Variants in SMTN observed in about 807,000 individuals in gnomAD.
SMTN encodes smoothelin.
In SMTN, 58 loss-of-function variants were observed where a neutral mutation model predicts 102.0. That is an observed-to-expected ratio of 0.57 (90% CI 0.46 to 0.71). The LOEUF is 0.71. SMTN is among the 30% of genes least tolerant of loss of function. SMTN has a pLI of 0.00. For synonymous variants in SMTN, 478 were observed against 497.9 expected, an observed-to-expected ratio of 0.96 and a Z score of 0.53; for missense variants, 1,185 against 1,241.7, an observed-to-expected ratio of 0.95 and a Z score of 0.69.
upstream of SMTN, among the ~76,000 whole-genome samples, chr22:31,079,564 G>A (rs976948878): frequency 6.6e-6 from 1 of 152,264 alleles, no homozygotes; most frequent in African/African-American, 2.4e-5. Flanking sequence ...CCTGCATGAA[G>A]GGGAGGTCCC....
rs1345475263 is a variant in SMTN, at chr22:31,087,986, G to A, written c.73G>A (p.Ala25Thr). The stretch of plus-strand genomic sequence containing the variant: ...GCAGCTGGAGGTCACAGCAGATCTG[G>A]CAGAGCGGCGGCGCATCCGCTCAGC... ...RKLLEVTADLAERRRIRSAIR... is the reference protein window; with the variant it reads ...RKLLEVTADLTERRRIRSAIR... The change falls in exon 3 of 21, where the codon GCA becomes ACA. Residue 25 changes from alanine (A) to threonine (T), a missense_variant. Coordinates refer to ENST00000333137, the MANE Select transcript of SMTN (RefSeq NM_134269.3). The A allele has an allele frequency of 1.2e-6, 2 of 1,604,980 alleles. No individual in the cohort carries two copies. The highest frequency in any genetic ancestry group is 8.5e-7 in the Non-Finnish European group (1 of 1,173,594).
rs1354310977 is a variant in SMTN at position 31,091,216 on chromosome 22, G to A, written c.1193G>A (p.Arg398Gln). ...TCCTCCCGGTTCAGCAAGGAGCAAC[G>A]AGGAGTAGCCCAGCCCCTGGCCCAG... ...DTSSRFSKEQ[R>Q]GVAQPLAQLR... The change falls in exon 10 of 21, where the codon CGA becomes CAA. Residue 398 changes from arginine (R) to glutamine (Q), a missense_variant. Around this residue, in one of 2 missense-constraint regions of SMTN, gnomAD observed 1,096 missense variants for 1,112.7 expected, o/e 0.98. Coordinates refer to ENST00000333137, the MANE Select transcript of SMTN (RefSeq NM_134269.3). 20 of 1,611,584 alleles carry A rather than the reference G, an allele frequency of 1.2e-5. No homozygotes were observed. Among genetic ancestry groups the A allele is most frequent in the East Asian group, 4.5e-5 (2 of 44,776 alleles).
At chr22:31,093,496 G>A (rs1184559076) in intron 11 of SMTN, 1 of 654,218 alleles carries the variant, frequency 1.5e-6, no homozygotes, top group Admixed American at 2.1e-5. Context: ...AGCCCTTGAG[G>A]AGCAGTTGGG....
At chr22:31,075,219 T>A (rs551073653) in intron 1 of SMTN, among the ~76,000 whole-genome samples, 3 of 152,324 alleles carry the variant, frequency 2.0e-5, no homozygotes, top group South Asian at 4.1e-4. Context: ...CCTCATTTTT[T>A]TTCTTCGTCT....
chr22:31,080,054 C>T (rs1029739670), upstream of SMTN, among the ~76,000 whole-genome samples: 7 of 152,236 alleles, frequency 4.6e-5, no homozygotes, highest in Non-Finnish European at 8.8e-5. Flanking sequence ...TGAGCCACCG[C>T]ACCTGGCCCG....
chr22:31,083,137 C>T, intron 1 of SMTN, 42 bp from the exon 2 acceptor site: 1 of 1,552,886 alleles, frequency 6.4e-7, no homozygotes, highest in Non-Finnish European at 8.7e-7. Flanking sequence ...CCTGTGGTTT[C>T]TGGAAGCCCC....
chr22:31,085,427 C>A, intron 2 of SMTN: 1 of 753,230 alleles, frequency 1.3e-6, no homozygotes, highest in Non-Finnish European at 2.1e-6. Flanking sequence ...GACTGAAAGC[C>A]TGGAGAGCCC....
intron 13 of SMTN, 104 bp from the exon 14 acceptor site, chr22:31,096,629 C>G: frequency 7.7e-7 from 1 of 1,291,436 alleles, no homozygotes; most frequent in Non-Finnish European, 1.0e-6. Context: ...ATGTTTCTAA[C>G]AAGCCACCCT....
chr22:31,064,160 C>T (rs765157519), exon 1 of SMTN: 1 of 152,168 alleles, frequency 6.6e-6, no homozygotes, highest in Non-Finnish European at 1.5e-5. Flanking sequence ...TGGTTGGAGT[C>T]AGAAGAGGAA....
intron 1 of SMTN, chr22:31,067,745 A>G (rs2041892922): frequency 1.3e-5 from 2 of 151,544 alleles, no homozygotes; most frequent in African/African-American, 4.9e-5. Context: ...TTTTTAGTAG[A>G]GACAGGGTTT....
intron 11 of SMTN, chr22:31,094,022 GAGGGTGCC>G (rs2147737684): frequency 6.1e-6 from 4 of 656,002 alleles, no homozygotes; most frequent in Non-Finnish European, 1.0e-5. Context: ...ACTAGGGCAA[GAGGGTGCC>G]AGGCTCCAGC....
chr22:31,091,318 G>T lies in SMTN; in HGVS notation c.1295G>T (p.Gly432Val), dbSNP rs1406346448. 6.2e-7 allele frequency: 1 copy of T among 1,604,732 alleles called. No individual in the cohort carries two copies. Among genetic ancestry groups the T allele is most frequent in the Non-Finnish European group, 8.5e-7 (1 of 1,177,260 alleles). The change falls in exon 10 of 21, where the codon GGG (glycine) becomes GTG (valine). Residue 432 changes from glycine to valine, a missense_variant. This residue lies in a region of SMTN where 1,096 missense variants were observed against 1,112.7 expected (regional missense o/e 0.98). Coordinates refer to ENST00000333137, the MANE Select transcript of SMTN (RefSeq NM_134269.3). ...AARPLENRAG[G>V]PVARSEEPGA... is the part of the protein sequence containing the mutation. ...AGGCCCCTTGAAAACAGAGCAGGGG[G>T]GCCTGTGGCACGTTCAGAGGAGCCT...
At chr22:31,077,500 C>T (rs2042159576), upstream of SMTN, among the ~76,000 whole-genome samples, 1 of 152,050 alleles carries the variant, frequency 6.6e-6, no homozygotes, top group South Asian at 2.1e-4. Context: ...ATAGTGGTAA[C>T]AAAATTGCCA....
At position 31,096,732 on chromosome 22, in the gene SMTN, G is replaced by A; in HGVS notation, c.1862-1G>A. The stretch of plus-strand genomic sequence containing the variant: ...GCATGCATGGGGCATCCCCTGCCCA[G>A]ACCAGCGGGACAAGGAGCGGGAACG... On this transcript the variant is annotated splice_acceptor_variant, in intron 13 of 20. Transcript: ENST00000333137. LOFTEE classifies it high-confidence loss of function. The A allele has an allele frequency of 6.5e-7, 1 of 1,545,908 alleles. No individual in the cohort carries two copies. Among genetic ancestry groups the A allele is most frequent in the Non-Finnish European group, 8.7e-7 (1 of 1,151,464 alleles).
rs2043873673 is a variant in SMTN at position 31,099,157 on chromosome 22, G to A, written c.2429G>A (p.Arg810Gln). 1.9e-6 allele frequency: 3 copies of A among 1,612,836 alleles called. No homozygotes were observed. Among genetic ancestry groups the A allele is most frequent in the Non-Finnish European group, 2.5e-6 (3 of 1,179,692 alleles). Residue 810 changes from arginine to glutamine, a missense_variant, in exon 18 of 21, where the codon CGA (arginine) becomes CAA (glutamine). Arg to Gln is a conservative substitution (Grantham distance 43, BLOSUM62 1). Coordinates refer to ENST00000333137, the MANE Select transcript of SMTN (RefSeq NM_134269.3). ...AAGCAGATGCTGCTGGACTGGTGTC[G>A]AGCCAAGACTCGCGGCTACGAGGTG... ...SIKQMLLDWC[R>Q]AKTRGYEHVD...
At chr22:31,077,462 A>G (rs545641466), upstream of SMTN, among the ~76,000 whole-genome samples, 491 of 152,208 alleles carry the variant, frequency 3.2e-3, 2 homozygotes, top group African/African-American at 0.011. Context: ...TGGTGGTCCT[A>G]CCTCACAGGA....
At chr22:31,085,148 G>A (rs1043749120) in intron 2 of SMTN, 4 of 1,535,358 alleles carry the variant, frequency 2.6e-6, no homozygotes, top group Non-Finnish European at 3.5e-6. Context: ...CCTCTGCCTC[G>A]GTCCCGAGTT....
At chr22:31,098,962 C>A in intron 17 of SMTN, 100 bp from the exon 18 acceptor site, 3 of 1,537,768 alleles carry the variant, frequency 2.0e-6, no homozygotes, top group Non-Finnish European at 2.7e-6. Context: ...GGTGCAAAGG[C>A]CCGAAGGTCA....
At chr22:31,080,136 G>C (rs2042235765), upstream of SMTN, among the ~76,000 whole-genome samples, 2 of 152,186 alleles carry the variant, frequency 1.3e-5, no homozygotes, top group African/African-American at 4.8e-5. Context: ...ATGACACATG[G>C]AAAAGACTCT....
Sources: gnomAD v4.1 joint callset for allele counts (sites outside exome capture counted in the v4.1 genomes callset) on GRCh38, gnomAD v4.1.1 for gene constraint, gnomAD v4.1.1 regional missense constraint, MANE v1.5 for transcripts, NCBI Gene and HGNC (gene_info 2026-07-23, HGNC 2026-07-21) for gene names.